The following CMYA5 variants were observed in gnomAD, a reference collection of about 807,000 sequenced individuals.
The protein encoded by CMYA5 is cardiomyopathy-associated protein 5.
Under a neutral mutation model 318.9 loss-of-function variants are expected in CMYA5, and 246 were observed. That is an observed-to-expected ratio of 0.77 (90% CI 0.70 to 0.86). The LOEUF is 0.86. CMYA5 is among the 40% of genes least tolerant of loss of function. CMYA5 has a pLI of 0.00. For missense variants in CMYA5, 4,589 were observed against 4,678.2 expected (o/e 0.98, Z 0.56); for synonymous variants, 1,641 against 1,729.5 (o/e 0.95, Z 1.27).
At chr5:79,753,762 A>G (rs1828476666) in intron 6 of CMYA5, among the ~76,000 whole-genome samples, 1 of 152,240 alleles carries the variant, frequency 6.6e-6, no homozygotes, top group African/African-American at 2.4e-5. Flanking sequence ...ACAACACACA[A>G]AAACCCAAAA....
At chr5:79,760,182 G>A (rs959485924) in intron 7 of CMYA5, among the ~76,000 whole-genome samples, 11 of 131,468 alleles carry the variant, frequency 8.4e-5, no homozygotes, top group African/African-American at 3.5e-4. Context: ...GTTGTTGCTT[G>A]GCCTGCTTTT....
At chr5:79,786,700 A>G (rs1829087810) in intron 9 of CMYA5, among the ~76,000 whole-genome samples, 1 of 152,218 alleles carries the variant, frequency 6.6e-6, no homozygotes, top group African/African-American at 2.4e-5. Flanking sequence ...TGTTAGGCTA[A>G]AAAGCAGGGA....
In CMYA5 at chr5:79,731,010, G is replaced by T; in HGVS notation, c.2245G>T (p.Ala749Ser). The change falls in exon 2 of 13, where the codon GCT becomes TCT. Residue 749 changes from alanine to serine, a missense_variant. By Grantham distance (99) the Ala-to-Ser change is moderately conservative. This residue lies in a region of CMYA5 where 2,132 missense variants were observed against 2,131.3 expected (regional missense o/e 1.00). Transcript: ENST00000446378. ...ATCGTTTACTCCAGCTGTGGCCCCT[G>T]CTTCTGAGCCCTCTCTCTCACCATC... ...TGSFTPAVAP[A>S]SEPSLSPSTT... 1 of 1,613,502 alleles carries T rather than the reference G, an allele frequency of 6.2e-7. No homozygotes were observed. The highest frequency in any genetic ancestry group is 2.2e-5 in the East Asian group (1 of 44,852).
intron 4 of CMYA5, 149 bp downstream of exon 4, chr5:79,745,604 C>T (rs544533188): frequency 4.6e-6 from 3 of 646,836 alleles, no homozygotes; most frequent in South Asian, 2.0e-5. Flanking sequence ...TTTGGGCATG[C>T]CTGATGCCTA....
In CMYA5 at chr5:79,739,296, A is replaced by T; in HGVS notation, c.10531A>T (p.Thr3511Ser). ...QKELKKSQID[T>S]YCYTCKCPIS... ...AGAGCTGAAAAAGTCCCAGATTGAC[A>T]CATACTGTTACACCTGCAAATGTCC... Residue 3511 changes from threonine to serine, a missense_variant, in exon 2 of 13, where the codon ACA (threonine) becomes TCA (serine). Physicochemically the swap from Thr to Ser is moderately conservative, Grantham distance 58. Coordinates refer to ENST00000446378, the MANE Select transcript of CMYA5 (RefSeq NM_153610.5). The T allele has an allele frequency of 6.2e-7, 1 of 1,603,176 alleles. No homozygotes were observed. Among genetic ancestry groups the T allele is most frequent in the Non-Finnish European group, 8.5e-7 (1 of 1,174,834 alleles).
In CMYA5 at chr5:79,730,114, G is replaced by T. The variant is rs189794164; in HGVS notation, c.1349G>T (p.Gly450Val). 3.1e-6 allele frequency: 5 copies of T among 1,613,784 alleles called. No individual in the cohort carries two copies. The highest frequency in any genetic ancestry group is 3.3e-5 in the Admixed American group (2 of 60,012). The change falls in exon 2 of 13, where the codon GGT becomes GTT. Residue 450 changes from glycine to valine, a missense_variant. By Grantham distance (109) the Gly-to-Val change is moderately radical (BLOSUM62 -3). Around this residue, in one of 3 missense-constraint regions of CMYA5, gnomAD observed 2,132 missense variants for 2,131.3 expected, o/e 1.00. Transcript: ENST00000446378. ...GGTCTGGCAGCATCTACCCAGGATGGTTTGGACCCAGACCAAGAACAGCCG... is the reference window on the plus strand; with the variant it reads ...GGTCTGGCAGCATCTACCCAGGATGTTTTGGACCCAGACCAAGAACAGCCG... Reference protein sequence around the residue: ...SPGLAASTQDGLDPDQEQPDL... With the variant: ...SPGLAASTQDVLDPDQEQPDL...
At chr5:79,774,217 C>T (rs900227976) in intron 9 of CMYA5, 4 of 152,274 alleles carry the variant, frequency 2.6e-5, no homozygotes, top group South Asian at 4.1e-4. Flanking sequence ...TCACAGAAAA[C>T]ATTTGCATAT....
In CMYA5 at chr5:79,729,856, C is replaced by A; in HGVS notation, c.1091C>A (p.Pro364Gln). The change falls in exon 2 of 13, where the codon CCA (proline) becomes CAA (glutamine). Residue 364 changes from proline (P) to glutamine (Q), a missense_variant. This residue lies in a region of CMYA5 where 2,132 missense variants were observed against 2,131.3 expected (regional missense o/e 1.00). Coordinates refer to ENST00000446378, the MANE Select transcript of CMYA5 (RefSeq NM_153610.5). ...GIQLRHSQSVPQQPEDEAKPH... is the reference protein window; with the variant it reads ...GIQLRHSQSVQQQPEDEAKPH... ...CAGCTCAGGCATTCACAGTCAGTGC[C>A]ACAACAGCCAGAAGATGAAGCAAAA... The A allele has an allele frequency of 6.2e-7, 1 of 1,612,448 alleles. No individual in the cohort carries two copies. Among genetic ancestry groups the A allele is most frequent in the East Asian group, 2.2e-5 (1 of 44,820 alleles).
At chr5:79,759,119 A>T (rs1305408644) in intron 7 of CMYA5, among the ~76,000 whole-genome samples, 1 of 152,248 alleles carries the variant, frequency 6.6e-6, no homozygotes, top group Non-Finnish European at 1.5e-5. Context: ...TAAATATTAT[A>T]ATAGTCAACA....
Position 79,731,788 on chromosome 5 carries a change from TC to T in CMYA5, c.3026del (p.Pro1009LeufsTer19). ...FSPDSASQVS[I>X]PPFRISETEK... ...CCAGACTCAGCATCACAAGTTTCAATCCCTCCCTTTAGAATCTCAGAAACAG... is the reference window on the plus strand; with the variant it reads ...CCAGACTCAGCATCACAAGTTTCAATCCTCCCTTTAGAATCTCAGAAACAG... On this transcript the variant is annotated frameshift_variant, in exon 2 of 13. Transcript: ENST00000446378. LOFTEE classifies it high-confidence loss of function. 6.2e-7 allele frequency: 1 copy of T among 1,613,138 alleles called. No individual in the cohort carries two copies.
chr5:79,754,778 CTCT>C (rs1257468153), intron 6 of CMYA5, among the ~76,000 whole-genome samples: 3 of 152,122 alleles, frequency 2.0e-5, no homozygotes, highest in Non-Finnish European at 4.4e-5. Context: ...CTCTCCAGAA[CTCT>C]TCATCTTGCA....
chr5:79,709,687 G>T (rs1178616287), intron 1 of CMYA5, among the ~76,000 whole-genome samples: 1 of 151,624 alleles, frequency 6.6e-6, no homozygotes, highest in African/African-American at 2.4e-5. Flanking sequence ...GCTGGGCGTG[G>T]TGACTCACGC....
Position 79,751,129 on chromosome 5 carries a change from A to T in CMYA5, c.10992-1547A>T, listed in dbSNP as rs946742497. On this transcript the variant is annotated intron_variant, in intron 5 of 12. Transcript: ENST00000446378. The stretch of plus-strand genomic sequence containing the variant: ...TCTGCTTACCCTGATCCTTCCTTAG[A>T]CACTTGCCAAGACAGTCATCTAAAT... Among the ~76,000 whole-genome samples the T allele has an allele frequency of 2.6e-5, 4 of 151,968 alleles. No homozygotes were observed. The East Asian group carries it at 7.7e-4, about 29-fold the overall frequency.
chr5:79,796,819 A>G (rs1580812468), intron 12 of CMYA5, among the ~76,000 whole-genome samples: 1 of 150,062 alleles, frequency 6.7e-6, no homozygotes, highest in East Asian at 2.0e-4. Flanking sequence ...AATTAGTATT[A>G]TGCATTCATT....
rs568250706 is a variant in CMYA5, at chr5:79,733,426, C to T, written c.4661C>T (p.Ser1554Phe). 46 of 1,613,726 alleles carry T rather than the reference C, an allele frequency of 2.9e-5. 1 individual carries two copies. The South Asian group carries it at 5.1e-4, about 18-fold the overall frequency. ...LPSSQNVSPASKHIIPKGKDE... is the reference protein window; with the variant it reads ...LPSSQNVSPAFKHIIPKGKDE... ...TCATCACAAAATGTGTCACCTGCAT[C>T]CAAACATATAATCCCAAAAGGCAAA... Residue 1554 changes from serine to phenylalanine, a missense_variant, in exon 2 of 13, where the codon TCC becomes TTC. Physicochemically the swap from Ser to Phe is radical, Grantham distance 155 (BLOSUM62 -2). Coordinates refer to ENST00000446378, the MANE Select transcript of CMYA5 (RefSeq NM_153610.5).
intron 1 of CMYA5, among the ~76,000 whole-genome samples, chr5:79,722,635 C>G (rs1413887619): frequency 6.7e-6 from 1 of 148,804 alleles, no homozygotes; most frequent in Admixed American, 6.7e-5. Flanking sequence ...CAAGATTGTG[C>G]CCCTGCACTC....
intron 1 of CMYA5, among the ~76,000 whole-genome samples, chr5:79,717,052 G>T (rs1827532627): frequency 6.6e-6 from 1 of 152,158 alleles, no homozygotes; most frequent in African/African-American, 2.4e-5. Context: ...ACTTAAAACA[G>T]ATGATGCCCC....
intron 1 of CMYA5, among the ~76,000 whole-genome samples, chr5:79,723,276 T>TA: frequency 6.6e-6 from 1 of 151,736 alleles, no homozygotes; most frequent in South Asian, 2.1e-4. Context: ...TCATCTCTAC[T>TA]AAAAATACAA....
In CMYA5 at chr5:79,737,894, G is replaced by A; in HGVS notation, c.9129G>A (p.Gln3043=). Residue 3043 remains glutamine (Q), a synonymous_variant, in exon 2 of 13, where the codon CAG becomes CAA. Transcript: ENST00000446378. The part of the protein sequence containing the change: ...TDSETDLSFI[Q]PTIPSEEDYF... ...CAGAAACTGATTTATCATTTATTCAGCCCACAATTCCCAGTGAAGAGGATT... is the reference window on the plus strand; with the variant it reads ...CAGAAACTGATTTATCATTTATTCAACCCACAATTCCCAGTGAAGAGGATT... 6.2e-7 allele frequency: 1 copy of A among 1,604,398 alleles called. No individual in the cohort carries two copies. Among genetic ancestry groups the A allele is most frequent in the Non-Finnish European group, 8.5e-7 (1 of 1,177,568 alleles).
Sources: gnomAD v4.1 joint callset for allele counts (sites outside exome capture counted in the v4.1 genomes callset) on GRCh38, gnomAD v4.1.1 for gene constraint, gnomAD v4.1.1 regional missense constraint, MANE v1.5 for transcripts, NCBI Gene and HGNC (gene_info 2026-07-23, HGNC 2026-07-21) for gene names.